Variants in DYNC1I1 observed in about 807,000 individuals in gnomAD.
DYNC1I1 encodes the protein dynein cytoplasmic 1 intermediate chain 1, also known as cytoplasmic dynein 1 intermediate chain 1.
In DYNC1I1, 43 loss-of-function variants were observed where a neutral mutation model predicts 86.6. That is an observed-to-expected ratio of 0.50 (90% CI 0.39 to 0.64). The LOEUF is 0.64. Among genes scored for constraint, DYNC1I1 ranks in the 30% least tolerant of loss-of-function variants. The pLI is 0.00. For missense variants in DYNC1I1, 604 were observed against 788.8 expected (o/e 0.77, Z 2.81); for synonymous variants, 262 against 283.7 (o/e 0.92, Z 0.77).
intron 16 of DYNC1I1, among the ~76,000 whole-genome samples, chr7:96,104,608 A>C (rs1393801923): frequency 1.3e-5 from 2 of 152,068 alleles, no homozygotes; most frequent in African/African-American, 4.8e-5. Context: ...TTTTGGCAAT[A>C]TTTTCTGAAG....
Position 95,795,621 on chromosome 7 carries a change from C to A in DYNC1I1, c.-9-9100C>A, listed in dbSNP as rs571454607. Among the ~76,000 whole-genome samples, 11 of 152,194 alleles carry A rather than the reference C, an allele frequency of 7.2e-5. No individual in the cohort carries two copies. The South Asian group carries it at 2.3e-3, about 32-fold the overall frequency. Reference sequence around the variant, plus strand: ...TGGAGCTGGAGGCCATTATCCTTAGCAAACTAACGCAGGAATGGGAAACCA... The same window carrying A: ...TGGAGCTGGAGGCCATTATCCTTAGAAAACTAACGCAGGAATGGGAAACCA... On this transcript the variant is annotated intron_variant, in intron 1 of 16. Coordinates refer to ENST00000447467, the MANE Select transcript of DYNC1I1 (RefSeq NM_001135556.2).
At chr7:95,974,475 G>A (rs569012968) in intron 6 of DYNC1I1, among the ~76,000 whole-genome samples, 2 of 152,268 alleles carry the variant, frequency 1.3e-5, no homozygotes, top group African/African-American at 4.8e-5. Context: ...TTTTAAGGAA[G>A]GATTATTATC....
chr7:96,080,549 G>A (rs907777116), intron 16 of DYNC1I1, 61 bp downstream of exon 16: 22 of 1,613,666 alleles, frequency 1.4e-5, no homozygotes, highest in Non-Finnish European at 1.8e-5. Context: ...TAGAAACCTA[G>A]TGAAATTATT....
chr7:96,078,114 A>G (rs1790398930), intron 15 of DYNC1I1, among the ~76,000 whole-genome samples: 2 of 152,196 alleles, frequency 1.3e-5, no homozygotes, highest in South Asian at 4.1e-4. Flanking sequence ...TTTCTTAAAA[A>G]AATCTGAATT....
At chr7:95,874,373 T>G (rs1203145617) in intron 6 of DYNC1I1, among the ~76,000 whole-genome samples, 4 of 152,008 alleles carry the variant, frequency 2.6e-5, no homozygotes, top group African/African-American at 9.7e-5. Context: ...AGAAACTAAC[T>G]CTAATTAAGT....
At chr7:96,021,553 C>T (rs1224901219) in intron 10 of DYNC1I1, among the ~76,000 whole-genome samples, 2 of 150,694 alleles carry the variant, frequency 1.3e-5, no homozygotes, top group African/African-American at 4.9e-5. Flanking sequence ...CCTTTTAAAA[C>T]ATACAATTTT....
chr7:96,051,150 T>G (rs1789393587), intron 14 of DYNC1I1, among the ~76,000 whole-genome samples: 1 of 152,154 alleles, frequency 6.6e-6, no homozygotes, highest in South Asian at 2.1e-4. Context: ...GTCTTTGGAT[T>G]TTTTTATTAA....
At chr7:95,855,596 T>C (rs965418647) in intron 5 of DYNC1I1, among the ~76,000 whole-genome samples, 1 of 152,228 alleles carries the variant, frequency 6.6e-6, no homozygotes. Flanking sequence ...CATCATAGAA[T>C]GTACTTACAC....
At chr7:95,870,906 T>C (rs754111362) in intron 6 of DYNC1I1, among the ~76,000 whole-genome samples, 18 of 152,222 alleles carry the variant, frequency 1.2e-4, no homozygotes, top group Admixed American at 7.2e-4. Flanking sequence ...GCAAATACTC[T>C]TTTTACTTTA....
chr7:95,870,925 T>C (rs759967208), intron 6 of DYNC1I1, among the ~76,000 whole-genome samples: 3 of 152,252 alleles, frequency 2.0e-5, no homozygotes, highest in Non-Finnish European at 4.4e-5. Context: ...TATGTTATTT[T>C]ATTCTTCGGT....
chr7:96,072,514 C>T (rs904593523), intron 14 of DYNC1I1, among the ~76,000 whole-genome samples: 1 of 152,074 alleles, frequency 6.6e-6, no homozygotes, highest in East Asian at 1.9e-4. Context: ...ACTAACTGGC[C>T]TTGAGAATTT....
intron 1 of DYNC1I1, among the ~76,000 whole-genome samples, chr7:95,783,316 G>A (rs1390440555): frequency 6.6e-6 from 1 of 152,168 alleles, no homozygotes; most frequent in Non-Finnish European, 1.5e-5. Flanking sequence ...CATATGGGGT[G>A]CAAATTAGCT....
At chr7:96,001,782 T>G (rs1794017733) in intron 10 of DYNC1I1, among the ~76,000 whole-genome samples, 1 of 152,080 alleles carries the variant, frequency 6.6e-6, no homozygotes, top group Non-Finnish European at 1.5e-5. Context: ...ATAACCTTCA[T>G]TACCTCCTTC....
chr7:95,837,597 C>T (rs1412712602), intron 5 of DYNC1I1: 1 of 155,694 alleles, frequency 6.4e-6, no homozygotes, highest in African/African-American at 2.4e-5. Context: ...TGATCTCAGA[C>T]TGCTGTGCTA....
At chr7:95,779,326 A>T (rs1043924442) in intron 1 of DYNC1I1, among the ~76,000 whole-genome samples, 1 of 152,222 alleles carries the variant, frequency 6.6e-6, no homozygotes, top group Admixed American at 6.5e-5. Flanking sequence ...AATGAGAAGA[A>T]GAGATCAGAT....
intron 6 of DYNC1I1, among the ~76,000 whole-genome samples, chr7:95,912,583 C>T (rs1335195731): frequency 1.3e-5 from 2 of 152,146 alleles, no homozygotes; most frequent in East Asian, 1.9e-4. Context: ...TGCAGGTTCT[C>T]CTGCCAGAAG....
intron 6 of DYNC1I1, among the ~76,000 whole-genome samples, chr7:95,946,101 A>G (rs1435159257): frequency 6.6e-6 from 1 of 152,050 alleles, no homozygotes; most frequent in Admixed American, 6.6e-5. Context: ...GAACTGAACA[A>G]TGAGAACACA....
intron 5 of DYNC1I1, among the ~76,000 whole-genome samples, chr7:95,835,689 G>C (rs1789066788): frequency 6.6e-6 from 1 of 152,086 alleles, no homozygotes; most frequent in Non-Finnish European, 1.5e-5. Context: ...AGGATAGTTA[G>C]CTCTTCTTGT....
intron 6 of DYNC1I1, among the ~76,000 whole-genome samples, chr7:95,943,687 T>G (rs1215658401): frequency 6.7e-6 from 1 of 150,360 alleles, no homozygotes; most frequent in African/African-American, 2.4e-5. Context: ...TATAGATCAA[T>G]GGAACAGAAC....
Sources: gnomAD v4.1 joint callset for allele counts (sites outside exome capture counted in the v4.1 genomes callset) on GRCh38, gnomAD v4.1.1 for gene constraint, MANE v1.5 for transcripts, NCBI Gene and HGNC (gene_info 2026-07-23, HGNC 2026-07-21) for gene names.